The following AGMO variants were observed in gnomAD, a reference collection of about 807,000 sequenced individuals.
The protein encoded by AGMO is alkylglycerol monooxygenase.
AGMO carries 75 observed loss-of-function variants against 60.2 expected under a neutral mutation model. The ratio of observed to expected loss-of-function variants is 1.25; its 90% CI spans 1.03 to 1.51. The LOEUF is 1.51. Ranked by LOEUF, AGMO falls within the 40% of genes most tolerant of loss-of-function variation. The probability of loss-of-function intolerance (pLI) is 0.00; values close to 1 mark genes in which losing one functional copy is unlikely to be tolerated. For synonymous variants in AGMO, 261 were observed against 177.1 expected (o/e 1.47, Z -3.76); for missense variants, 763 against 525.5 (o/e 1.45, Z -4.42).
At chr7:15,455,118 CT>C (rs1280442565) in intron 3 of AGMO, among the ~76,000 whole-genome samples, 1 of 142,574 alleles carries the variant, frequency 7.0e-6, no homozygotes, top group Non-Finnish European at 1.5e-5. Context: ...CACACACACA[CT>C]TTTTTCATGT....
intron 12 of AGMO, among the ~76,000 whole-genome samples, chr7:15,250,245 CA>C (rs1391055259): frequency 2.6e-5 from 4 of 152,018 alleles, no homozygotes; most frequent in Non-Finnish European, 4.4e-5. Context: ...AATTGGTTAT[CA>C]AAAAAGTATT....
chr7:15,450,972 G>A (rs776312597), intron 3 of AGMO, among the ~76,000 whole-genome samples: 4 of 152,052 alleles, frequency 2.6e-5, no homozygotes, highest in Non-Finnish European at 5.9e-5. Context: ...TATGCTAACT[G>A]TTGTTAATGA....
chr7:15,439,640 C>A (rs753583098), intron 3 of AGMO, among the ~76,000 whole-genome samples: 2 of 152,192 alleles, frequency 1.3e-5, no homozygotes, highest in Non-Finnish European at 2.9e-5. Context: ...TGGCCTTACA[C>A]CCTTGTTCTT....
chr7:15,118,607 G>A, the AGMO span, among the ~76,000 whole-genome samples: 1 of 152,016 alleles, frequency 6.6e-6, no homozygotes, highest in Non-Finnish European at 1.5e-5. Flanking sequence ...TTCCGTGTAG[G>A]TATGTTACTA....
At chr7:15,555,825 T>C (rs1352144232) in intron 2 of AGMO, among the ~76,000 whole-genome samples, 1 of 152,028 alleles carries the variant, frequency 6.6e-6, no homozygotes, top group African/African-American at 2.4e-5. Flanking sequence ...AGACAAAGTC[T>C]ATTTATTAGT....
chr7:15,369,851 A>G (rs138425166), intron 10 of AGMO, among the ~76,000 whole-genome samples: 153 of 152,256 alleles, frequency 1.0e-3, no homozygotes, highest in African/African-American at 3.4e-3. Context: ...AATACATTAA[A>G]TGTTATTACA....
chr7:15,497,517 G>C lies in AGMO; in HGVS notation c.409+47255C>G, dbSNP rs145345110. ...GAAAACTCCACACTGGCTTTGAGAAGTGAAATACAGTGTGGCATCCCATAA... is the reference window on the plus strand; with the variant it reads ...GAAAACTCCACACTGGCTTTGAGAACTGAAATACAGTGTGGCATCCCATAA... On this transcript the variant is annotated intron_variant, in intron 3 of 12. Coordinates refer to ENST00000342526, the MANE Select transcript of AGMO (RefSeq NM_001004320.2). Among the ~76,000 whole-genome samples, 460 of 152,126 alleles carry C rather than the reference G, an allele frequency of 3.0e-3. 2 individuals carry two copies. The highest frequency in any genetic ancestry group is 0.011 in the African/African-American group (442 of 41,554).
At chr7:15,273,814 G>C (rs1351824786) in intron 12 of AGMO, among the ~76,000 whole-genome samples, 1 of 152,126 alleles carries the variant, frequency 6.6e-6, no homozygotes, top group African/African-American at 2.4e-5. Flanking sequence ...GTGGTTTGTA[G>C]TTCTCTTTGA....
At chr7:15,336,812 A>G (rs1423271817) in intron 12 of AGMO, among the ~76,000 whole-genome samples, 1 of 152,212 alleles carries the variant, frequency 6.6e-6, no homozygotes, top group Non-Finnish European at 1.5e-5. Context: ...GTAATTACTT[A>G]TCAGGCTCTA....
intron 4 of AGMO, among the ~76,000 whole-genome samples, chr7:15,427,234 T>C (rs62439300): frequency 0.073 from 11,112 of 152,250 alleles, 489 homozygotes; most frequent in African/African-American, 0.11. Context: ...GTATAGTGGC[T>C]CTGAGTATAA....
chr7:15,354,326 GTACGCGTGTATATAC>G (rs1782374949), intron 12 of AGMO, among the ~76,000 whole-genome samples: 3 of 32,152 alleles, frequency 9.3e-5, no homozygotes, highest in African/African-American at 2.3e-4. Flanking sequence ...GTGTATATAC[GTACGCGTGTATATAC>G]ACGCGTGTAT....
At chr7:15,151,733 G>T in the AGMO span, among the ~76,000 whole-genome samples, 1 of 152,184 alleles carries the variant, frequency 6.6e-6, no homozygotes, top group South Asian at 2.1e-4. Context: ...CAGAACATAT[G>T]GTCCACTTCA....
chr7:15,372,148 C>T (rs1015462842), intron 10 of AGMO, among the ~76,000 whole-genome samples: 3 of 104,888 alleles, frequency 2.9e-5, no homozygotes, highest in South Asian at 2.8e-4. Flanking sequence ...ATCAGTTGAA[C>T]GTCTCTAAAG....
At chr7:15,368,553 T>C (rs890211271) in intron 10 of AGMO, among the ~76,000 whole-genome samples, 1 of 152,126 alleles carries the variant, frequency 6.6e-6, no homozygotes, top group Non-Finnish European at 1.5e-5. Context: ...ATGCGTTTGG[T>C]ACATTTGAAA....
chr7:15,207,234 T>C (rs1781462264), intron 12 of AGMO, among the ~76,000 whole-genome samples: 1 of 152,240 alleles, frequency 6.6e-6, no homozygotes, highest in Non-Finnish European at 1.5e-5. Context: ...CTACTGCACA[T>C]GTAAACCCAT....
intron 12 of AGMO, among the ~76,000 whole-genome samples, chr7:15,205,541 A>T (rs916665884): frequency 5.9e-5 from 9 of 152,176 alleles, no homozygotes; most frequent in Non-Finnish European, 1.3e-4. Context: ...TGAATCACTA[A>T]TAAGATGAAT....
At chr7:15,326,663 C>T (rs947980223) in intron 12 of AGMO, among the ~76,000 whole-genome samples, 1 of 152,156 alleles carries the variant, frequency 6.6e-6, no homozygotes, top group African/African-American at 2.4e-5. Context: ...GAAGAAGTGG[C>T]TTTCTCTCCC....
the AGMO span, among the ~76,000 whole-genome samples, chr7:15,190,131 A>T: frequency 7.1e-4 from 1 of 1,412 alleles, no homozygotes; most frequent in Non-Finnish European, 1.5e-3. Flanking sequence ...ATATATTTAT[A>T]TATATATATA....
chr7:15,122,989 G>A, the AGMO span, among the ~76,000 whole-genome samples: 1 of 152,020 alleles, frequency 6.6e-6, no homozygotes, highest in Admixed American at 6.6e-5. Context: ...CCCTCCTGAT[G>A]CTTTCTGACA....
Sources: gnomAD v4.1 joint callset for allele counts (sites outside exome capture counted in the v4.1 genomes callset) on GRCh38, gnomAD v4.1.1 for gene constraint, MANE v1.5 for transcripts, NCBI Gene and HGNC (gene_info 2026-07-23, HGNC 2026-07-21) for gene names.